Variants in HADHA observed in about 807,000 individuals in gnomAD.
HADHA encodes the protein hydroxyacyl-CoA dehydrogenase trifunctional multienzyme complex subunit alpha.
A neutral mutation model predicts 91.3 loss-of-function variants in HADHA; 59 were observed. That is an observed-to-expected ratio of 0.65 (90% CI 0.52 to 0.80). The LOEUF is 0.80. Among genes scored for constraint, HADHA ranks in the 30% least tolerant of loss-of-function variants. The pLI is 0.00. For synonymous variants in HADHA, 320 were observed against 338.9 expected (o/e 0.94, Z 0.61); for missense variants, 800 against 927.6 (o/e 0.86, Z 1.79).
intron 7 of HADHA, 149 bp downstream of exon 7, chr2:26,230,042 CA>C (rs1293478010): frequency 6.2e-6 from 4 of 640,792 alleles, no homozygotes; most frequent in Non-Finnish European, 1.2e-5. Context: ...AGGCTGGTCT[CA>C]AACTCCTGAC....
chr2:26,239,022 A>C lies in HADHA; in HGVS notation c.110-18T>G. Reference sequence around the variant, plus strand: ...GGTTCTGGCTAAAAAGAAAAGAAAGATTTATTTGTAAACATATTTATTGCA... The same window carrying C: ...GGTTCTGGCTAAAAAGAAAAGAAAGCTTTATTTGTAAACATATTTATTGCA... On this transcript the variant is annotated intron_variant, in intron 2 of 19. Transcript: ENST00000380649. 6.3e-7 allele frequency: 1 copy of C among 1,589,278 alleles called. No homozygotes were observed. Among genetic ancestry groups the C allele is most frequent in the Non-Finnish European group, 8.6e-7 (1 of 1,157,376 alleles).
At chr2:26,208,170 A>T (rs1441539439) in intron 11 of HADHA, among the ~76,000 whole-genome samples, 1 of 152,034 alleles carries the variant, frequency 6.6e-6, no homozygotes, top group Non-Finnish European at 1.5e-5. Context: ...CTGATTTGCA[A>T]ATGCTGATTT....
chr2:26,243,112 C>G (rs1670947457), intron 1 of HADHA: 1 of 152,240 alleles, frequency 6.6e-6, no homozygotes, highest in African/African-American at 2.4e-5. Flanking sequence ...TCCATCATCT[C>G]AATCATTCAT....
In HADHA at chr2:26,192,375, C is replaced by T. The variant is rs762246988; in HGVS notation, c.1935G>A (p.Arg645=). Residue 645 remains arginine (R), a synonymous_variant, in exon 18 of 20, where the codon AGG becomes AGA. Coordinates refer to ENST00000380649, the MANE Select transcript of HADHA (RefSeq NM_000182.5). The stretch of plus-strand genomic sequence containing the variant: ...TATCCATGTCAGAATTCAAATCCTT[C>T]CTCTTCACACCCTCCTGATAGATGT... ...GFYIYQEGVK[R]KDLNSDMDSI... 97 of 1,609,950 alleles carry T rather than the reference C, an allele frequency of 6.0e-5. No homozygotes were observed. The highest frequency in any genetic ancestry group is 4.6e-5 in the Non-Finnish European group (54 of 1,176,266).
chr2:26,191,234 G>T lies in HADHA; in HGVS notation c.*16C>A. The T allele has an allele frequency of 1.2e-6, 2 of 1,610,994 alleles. No homozygotes were observed. Among genetic ancestry groups the T allele is most frequent in the Non-Finnish European group, 1.7e-6 (2 of 1,178,802 alleles). On this transcript the variant is annotated 3_prime_UTR_variant, in exon 20 of 20. Transcript: ENST00000380649. Reference sequence around the variant, plus strand: ...GCTGGGGTTAGTGCACTGACTGAGCGAGGCATGAGGCCTGCTCACTGGTAG... The same window carrying T: ...GCTGGGGTTAGTGCACTGACTGAGCTAGGCATGAGGCCTGCTCACTGGTAG...
intron 1 of HADHA, among the ~76,000 whole-genome samples, chr2:26,243,501 A>T (rs2147788612): frequency 1.3e-5 from 2 of 152,210 alleles, no homozygotes; most frequent in East Asian, 3.9e-4. Flanking sequence ...TTTTGTGGAG[A>T]CTAAAAACAG....
intron 17 of HADHA, among the ~76,000 whole-genome samples, chr2:26,192,828 G>T (rs1449807595): frequency 6.6e-6 from 1 of 152,164 alleles, no homozygotes; most frequent in Non-Finnish European, 1.5e-5. Context: ...CTGAATTCCT[G>T]AATTTGTATG....
rs201544302 is a variant in HADHA at position 26,236,380 on chromosome 2, CTGTGTG to C, written c.314+469_314+474del. 8.8e-3 allele frequency among the ~76,000 whole-genome samples: 977 copies of C among 111,088 alleles called. 6 individuals are homozygous for C. The highest frequency in any genetic ancestry group is 0.013 in the Admixed American group (125 of 9,772). 72.9% of individuals were successfully genotyped at this position (111,088 alleles called of 152,430 possible). ...GTGTGTATATATATATATATATACT[CTGTGTG>C]TGTGTGTGTGTGTGTGTGTGTGTGT... On this transcript the variant is annotated intron_variant, in intron 4 of 19. Transcript: ENST00000380649.
chr2:26,207,301 G>T (rs956106199), intron 11 of HADHA, among the ~76,000 whole-genome samples: 19 of 146,948 alleles, frequency 1.3e-4, no homozygotes, highest in Non-Finnish European at 2.5e-4. Context: ...AGGAGAAAAA[G>T]AATGCATTAT....
chr2:26,236,932 G>C lies in HADHA; in HGVS notation c.237C>G (p.Ile79Met). ...HSEFSEVMNE[I>M]WASDQIRSAV... ...CACTTCTGATTTGATCACTAGCCCA[G>C]ATTTCATTCATAACTTCTGAGAACT... The change falls in exon 4 of 20, where the codon ATC becomes ATG. Residue 79 changes from isoleucine (I) to methionine (M), a missense_variant. By Grantham distance (10) the Ile-to-Met change is conservative (BLOSUM62 1). Transcript: ENST00000380649. The C allele has an allele frequency of 6.2e-7, 1 of 1,607,486 alleles. No individual in the cohort carries two copies. The highest frequency in any genetic ancestry group is 8.5e-7 in the Non-Finnish European group (1 of 1,174,000).
intron 11 of HADHA, among the ~76,000 whole-genome samples, chr2:26,208,843 G>A (rs771474943): frequency 1.9e-4 from 29 of 152,180 alleles, no homozygotes; most frequent in African/African-American, 6.8e-4. Context: ...AGCAGTTAAG[G>A]TTGTATTTCA....
At chr2:26,234,132 G>C in intron 5 of HADHA, 85 bp downstream of exon 5, 2 of 1,350,912 alleles carry the variant, frequency 1.5e-6, no homozygotes, top group Non-Finnish European at 2.1e-6. Context: ...ACTTTTTCCA[G>C]GCAAAGCAGT....
rs1670062717 is a variant in HADHA, at chr2:26,210,031, A to G, written c.976-142T>C. On this transcript the variant is annotated intron_variant, in intron 10 of 19. Coordinates refer to ENST00000380649, the MANE Select transcript of HADHA (RefSeq NM_000182.5). The surrounding 1 kb of genome is among the most constrained non-coding windows in gnomAD (Gnocchi z 4.0). The stretch of plus-strand genomic sequence containing the variant: ...GGGATGCGGGGGAGTTTGGGGGTTC[A>G]GTGCTGCAGAAGTCTGTCTCTCACT... 1 of 698,288 alleles carries G rather than the reference A, an allele frequency of 1.4e-6. No individual in the cohort carries two copies. Among genetic ancestry groups the G allele is most frequent in the South Asian group, 1.5e-5 (1 of 66,440 alleles). The allele number at this position is 698,288 out of a possible 1,614,324, so 43.3% of individuals were successfully genotyped here. A position where few individuals can be genotyped will look rare whatever the true frequency, so the allele number is the denominator to read the frequency against.
At chr2:26,203,263 A>C (rs1669890427) in intron 12 of HADHA, among the ~76,000 whole-genome samples, 1 of 152,202 alleles carries the variant, frequency 6.6e-6, no homozygotes, top group South Asian at 2.1e-4. Flanking sequence ...AAGCTATCTA[A>C]TCCATTTAAG....
At chr2:26,198,474 T>C (rs1220557359) in intron 13 of HADHA, among the ~76,000 whole-genome samples, 8 of 151,586 alleles carry the variant, frequency 5.3e-5, no homozygotes, top group Admixed American at 3.3e-4. Context: ...CTCCCAGTTA[T>C]TCATGTTTTT....
intron 1 of HADHA, among the ~76,000 whole-genome samples, chr2:26,242,813 G>GCACT (rs1670932159): frequency 4.6e-5 from 7 of 152,186 alleles, no homozygotes; most frequent in Admixed American, 4.6e-4. Context: ...GTGCTGTGGC[G>GCACT]CGATCTCGGC....
intron 14 of HADHA, among the ~76,000 whole-genome samples, chr2:26,197,299 C>T (rs1242311402): frequency 6.6e-6 from 1 of 152,166 alleles, no homozygotes; most frequent in Non-Finnish European, 1.5e-5. Context: ...GCAGACACAT[C>T]CCACCATTCC....
intron 13 of HADHA, among the ~76,000 whole-genome samples, chr2:26,199,726 A>G (rs953021611): frequency 6.6e-6 from 1 of 152,062 alleles, no homozygotes; most frequent in Non-Finnish European, 1.5e-5. Context: ...TAAATTATTT[A>G]TCTTTTTTTC....
At chr2:26,203,687 A>T (rs1487643715) in intron 12 of HADHA, among the ~76,000 whole-genome samples, 2 of 152,216 alleles carry the variant, frequency 1.3e-5, no homozygotes, top group Non-Finnish European at 2.9e-5. Flanking sequence ...TGCTGTTTGA[A>T]TAATCCTTAA....
Sources: gnomAD v4.1 joint callset for allele counts (sites outside exome capture counted in the v4.1 genomes callset) on GRCh38, gnomAD v4.1.1 for gene constraint, Gnocchi (gnomAD v3.1) non-coding constraint, MANE v1.5 for transcripts, NCBI Gene and HGNC (gene_info 2026-07-23, HGNC 2026-07-21) for gene names.